DDX52: variants seen among roughly 807,000 people sequenced by gnomAD.
DDX52 encodes the protein DExD-box helicase 52.
DDX52 carries 59 observed loss-of-function variants against 76.1 expected under a neutral mutation model. That is an observed-to-expected ratio of 0.78 (90% CI 0.63 to 0.96). DDX52 has a LOEUF of 0.96. DDX52 is among the 40% of genes least tolerant of loss of function. The probability of loss-of-function intolerance (pLI) is 0.00; values close to 1 mark genes in which losing one functional copy is unlikely to be tolerated. For synonymous variants in DDX52, 231 were observed against 244.1 expected (o/e 0.95, Z 0.50); for missense variants, 707 against 703.9 (o/e 1.00, Z -0.05).
chr17:37,637,391 A>G (rs1051644146), intron 2 of DDX52, among the ~76,000 whole-genome samples: 2 of 151,240 alleles, frequency 1.3e-5, no homozygotes, highest in African/African-American at 4.9e-5. Flanking sequence ...TCAGCCTCCC[A>G]AAGTACTGGG....
At chr17:37,615,543 G>A (rs1015451937) in intron 14 of DDX52, among the ~76,000 whole-genome samples, 3 of 152,010 alleles carry the variant, frequency 2.0e-5, no homozygotes, top group East Asian at 3.9e-4. Flanking sequence ...AGCCAGGCAC[G>A]GTGGCATAAG....
intron 14 of DDX52, among the ~76,000 whole-genome samples, chr17:37,616,105 T>C (rs2064422603): frequency 6.6e-6 from 1 of 152,218 alleles, no homozygotes; most frequent in Admixed American, 6.5e-5. Context: ...TTCTAGTTGA[T>C]TTTTGACCTT....
At chr17:37,614,400 A>G in intron 14 of DDX52, 47 bp from the exon 15 acceptor site, 1 of 1,576,220 alleles carries the variant, frequency 6.3e-7, no homozygotes, top group Non-Finnish European at 8.6e-7. Context: ...TTCTACGTAT[A>G]TTTACTTTCC....
At chr17:37,627,188 C>T (rs1376033866) in intron 6 of DDX52, among the ~76,000 whole-genome samples, 1 of 152,026 alleles carries the variant, frequency 6.6e-6, no homozygotes, top group African/African-American at 2.4e-5. Context: ...TGCCACTGCA[C>T]CTGGCTAATT....
intron 8 of DDX52, 151 bp downstream of exon 8, chr17:37,625,744 A>C (rs760347099): frequency 1.2e-6 from 1 of 826,796 alleles, no homozygotes. Flanking sequence ...GAAAATCCTT[A>C]AACAATCTTG....
chr17:37,637,496 C>T (rs576064198), intron 2 of DDX52, among the ~76,000 whole-genome samples: 6 of 152,200 alleles, frequency 3.9e-5, no homozygotes, highest in Non-Finnish European at 8.8e-5. Flanking sequence ...CTGGCCTCAA[C>T]TGATCCTCCT....
At chr17:37,626,249 A>C in intron 7 of DDX52, 151 bp from the exon 8 acceptor site, 1 of 818,426 alleles carries the variant, frequency 1.2e-6, no homozygotes, top group Non-Finnish European at 1.9e-6. Context: ...AATAAGAAAC[A>C]CAAGCAGGTG....
intron 4 of DDX52, chr17:37,631,339 G>A (rs2030673215): frequency 6.6e-6 from 1 of 152,200 alleles, no homozygotes; most frequent in South Asian, 2.1e-4. Flanking sequence ...GAATCTCAAA[G>A]CATTACGCAA....
rs2064394282 is a variant in DDX52, at chr17:37,613,829, G to C, written c.*467C>G. On this transcript the variant is annotated 3_prime_UTR_variant, in exon 15 of 15. Transcript: ENST00000617633. The stretch of plus-strand genomic sequence containing the variant: ...ATTCATCACACCTTCCTTCACACTT[G>C]AAGGGAAAAGTCCTTAAGAGTTCAC... The C allele has an allele frequency of 6.5e-6, 1 of 153,066 alleles. No homozygotes were observed. Among genetic ancestry groups the C allele is most frequent in the East Asian group, 1.9e-4 (1 of 5,222 alleles). The allele number at this position is 153,066 out of a possible 1,614,324, so 9.5% of individuals were successfully genotyped here. A position where few individuals can be genotyped will look rare whatever the true frequency, so the allele number is the denominator to read the frequency against.
intron 13 of DDX52, among the ~76,000 whole-genome samples, chr17:37,619,141 G>A (rs1045643847): frequency 6.6e-6 from 1 of 152,150 alleles, no homozygotes; most frequent in Non-Finnish European, 1.5e-5. Context: ...CACTTTGGGA[G>A]GCCCAGGTGG....
At position 37,620,934 on chromosome 17, in the gene DDX52, C is replaced by T. The variant is rs1355233822; in HGVS notation, c.1516G>A (p.Ala506Thr). 3 of 1,594,870 alleles carry T rather than the reference C, an allele frequency of 1.9e-6. No homozygotes were observed. Among genetic ancestry groups the T allele is most frequent in the African/African-American group, 1.4e-5 (1 of 73,588 alleles). Residue 506 changes from alanine to threonine, a missense_variant, in exon 12 of 15, where the codon GCA becomes ACA. By Grantham distance (58) the Ala-to-Thr change is moderately conservative. Coordinates refer to ENST00000617633, the MANE Select transcript of DDX52 (RefSeq NM_007010.5). Reference sequence around the variant, plus strand: ...GTAATTGCTTTTCCCTTATTCCCTGCTCTTCCAGTTCGACCTAAGAAAAAT... The same window carrying T: ...GTAATTGCTTTTCCCTTATTCCCTGTTCTTCCAGTTCGACCTAAGAAAAAT... ...YIHRIGRTGR[A>T]GNKGKAITFF...
chr17:37,626,575 C>T (rs1348930260), intron 7 of DDX52, among the ~76,000 whole-genome samples: 1 of 152,156 alleles, frequency 6.6e-6, no homozygotes, highest in African/African-American at 2.4e-5. Context: ...GGAAGATAAA[C>T]ATAGCTTAAT....
At chr17:37,623,538 G>A (rs972195261) in intron 9 of DDX52, among the ~76,000 whole-genome samples, 2 of 152,122 alleles carry the variant, frequency 1.3e-5, no homozygotes, top group African/African-American at 4.8e-5. Flanking sequence ...CCTTAGACAG[G>A]TAACTGCTTC....
intron 8 of DDX52, 23 bp downstream of exon 8, chr17:37,625,869 GATA>G (rs1258546212): frequency 5.0e-6 from 8 of 1,612,490 alleles, no homozygotes; most frequent in Non-Finnish European, 6.8e-6. Flanking sequence ...AAATCAGTGT[GATA>G]ATGTTGAGAA....
In DDX52 at chr17:37,633,343, A is replaced by C. The variant is rs2030772190; in HGVS notation, c.362T>G (p.Val121Gly). Residue 121 changes from valine to glycine, a missense_variant, in exon 3 of 15, where the codon GTT becomes GGT. Coordinates refer to ENST00000617633, the MANE Select transcript of DDX52 (RefSeq NM_007010.5). Reference protein sequence around the residue: ...SVEAKIEDKKVQRESKLTSGK... With the variant: ...SVEAKIEDKKGQRESKLTSGK... ...GGAAGTTAGTTTACTTTCTCTCTGA[A>C]CTTTTTTGTCTTCAATCTTTGCTTC... The C allele has an allele frequency of 6.2e-7, 1 of 1,611,932 alleles. No homozygotes were observed. The highest frequency in any genetic ancestry group is 8.5e-7 in the Non-Finnish European group (1 of 1,179,226).
intron 6 of DDX52, among the ~76,000 whole-genome samples, chr17:37,627,689 A>G (rs1157903736): frequency 6.7e-6 from 1 of 150,198 alleles, no homozygotes; most frequent in Non-Finnish European, 1.5e-5. Flanking sequence ...CTCCAAGTGG[A>G]CAATGTCAAA....
At chr17:37,626,708 A>G (rs2030392406) in intron 7 of DDX52, 80 bp downstream of exon 7, 3 of 1,441,828 alleles carry the variant, frequency 2.1e-6, no homozygotes, top group South Asian at 2.4e-5. Context: ...TCCAAAGACA[A>G]AAAATACAAG....
intron 9 of DDX52, 94 bp from the exon 10 acceptor site, chr17:37,621,614 C>T: frequency 6.8e-7 from 1 of 1,460,742 alleles, no homozygotes; most frequent in African/African-American, 1.4e-5. Context: ...GAACCCAATT[C>T]AATTTAGTGT....
chr17:37,623,719 C>A (rs936517858), intron 9 of DDX52, among the ~76,000 whole-genome samples: 1 of 152,114 alleles, frequency 6.6e-6, no homozygotes, highest in Non-Finnish European at 1.5e-5. Context: ...CCCTGGTGGC[C>A]CCATTATGAC....
Sources: gnomAD v4.1 joint callset for allele counts (sites outside exome capture counted in the v4.1 genomes callset) on GRCh38, gnomAD v4.1.1 for gene constraint, MANE v1.5 for transcripts, NCBI Gene and HGNC (gene_info 2026-07-23, HGNC 2026-07-21) for gene names.